Variants in ABCA4 observed in about 807,000 individuals in gnomAD.
ABCA4 encodes ATP binding cassette subfamily A member 4.
A neutral mutation model predicts 263.7 loss-of-function variants in ABCA4; 196 were observed. The ratio of observed to expected loss-of-function variants is 0.74; its 90% CI spans 0.66 to 0.84. The LOEUF (loss-of-function observed/expected upper bound fraction) is 0.84. ABCA4 is among the 40% of genes least tolerant of loss of function. The pLI is 0.00. For missense variants in ABCA4, 2,792 were observed against 2,855.1 expected, an observed-to-expected ratio of 0.98 and a Z score of 0.50; for synonymous variants, 1,133 against 1,094.2, an observed-to-expected ratio of 1.04 and a Z score of -0.70.
intron 43 of ABCA4, 101 bp from the exon 44 acceptor site, chr1:94,005,683 C>T: frequency 1.7e-6 from 2 of 1,159,226 alleles, no homozygotes; most frequent in Non-Finnish European, 2.5e-6. Flanking sequence ...AAGGAAGCTG[C>T]TTCTTCTCTT....
intron 30 of ABCA4, 87 bp from the exon 31 acceptor site, chr1:94,025,135 T>A (rs1469708255): frequency 3.7e-6 from 4 of 1,078,154 alleles, no homozygotes; most frequent in Non-Finnish European, 5.8e-6. Flanking sequence ...CTTCCAAAAA[T>A]TATTTATGGA....
chr1:94,039,153 C>T (rs1660421943), intron 24 of ABCA4, among the ~76,000 whole-genome samples: 1 of 152,138 alleles, frequency 6.6e-6, no homozygotes, highest in South Asian at 2.1e-4. Context: ...CCAGAGATGT[C>T]ATCCTAAAAA....
chr1:94,111,570 G>T lies in ABCA4; in HGVS notation c.170C>A (p.Pro57His). 1 of 1,614,220 alleles carries T rather than the reference G, an allele frequency of 6.2e-7. No homozygotes were observed. The highest frequency in any genetic ancestry group is 1.1e-5 in the South Asian group (1 of 91,088). Reference sequence around the variant, plus strand: ...TCCTGCTGAGGGCATCGCCTTGTTGGGGAAATGGCCTTTAAAACAGAAAAT... The same window carrying T: ...TCCTGCTGAGGGCATCGCCTTGTTGTGGAAATGGCCTTTAAAACAGAAAAT... ...PLYSHHECHF[P>H]NKAMPSAGML... Residue 57 changes from proline to histidine, a missense_variant, in exon 3 of 50, where the codon CCC (proline) becomes CAC (histidine). By Grantham distance (77) the Pro-to-His change is moderately conservative. Coordinates refer to ENST00000370225, the MANE Select transcript of ABCA4 (RefSeq NM_000350.3).
At chr1:94,102,557 A>G (rs1026162913) in intron 5 of ABCA4, among the ~76,000 whole-genome samples, 3 of 151,796 alleles carry the variant, frequency 2.0e-5, no homozygotes, top group African/African-American at 7.3e-5. Context: ...AGCACCCATC[A>G]CAGCCAGAAG....
At chr1:94,086,562 A>G (rs1448346278) in intron 6 of ABCA4, among the ~76,000 whole-genome samples, 2 of 151,882 alleles carry the variant, frequency 1.3e-5, no homozygotes, top group East Asian at 3.9e-4. Context: ...TTTTTTTAAG[A>G]CAACGAAGTA....
At position 94,011,194 on chromosome 1, in the gene ABCA4, G is replaced by C; in HGVS notation, c.5584+68C>G. 5.6e-6 allele frequency: 9 copies of C among 1,611,018 alleles called. No homozygotes were observed. In the South Asian group the frequency reaches 9.9e-5, roughly 18 times the overall value. On this transcript the variant is annotated intron_variant, in intron 39 of 49. Transcript: ENST00000370225. ...GCCCCTGCCACAGTCTGATGCAGGA[G>C]CCCCCCCGGTAACCCTCCCAGCTTT...
chr1:94,074,514 G>C (rs563179748), intron 11 of ABCA4, among the ~76,000 whole-genome samples: 42 of 152,294 alleles, frequency 2.8e-4, no homozygotes, highest in Middle Eastern at 3.4e-3. Context: ...TTGAAAAATG[G>C]ATCTAATTAG....
rs184754951 is a variant in ABCA4 at position 94,014,366 on chromosome 1, G to A, written c.5460+177C>T. ...GGGAGGAGAAGAAGGAAAGAGGAAG[G>A]AAGGATGGGAGGAAGGAAGGAAGGA... On this transcript the variant is annotated intron_variant, in intron 38 of 49. Coordinates refer to ENST00000370225, the MANE Select transcript of ABCA4 (RefSeq NM_000350.3). Among the ~76,000 whole-genome samples, 544 of 136,348 alleles carry A rather than the reference G, an allele frequency of 4.0e-3. 4 individuals carry two copies. Among genetic ancestry groups the A allele is most frequent in the Middle Eastern group, 0.014 (4 of 284 alleles). 89.4% of individuals were successfully genotyped at this position (136,348 alleles called of 152,430 possible).
At chr1:94,055,384 C>T in intron 15 of ABCA4, 69 bp from the exon 16 acceptor site, 1 of 1,519,926 alleles carries the variant, frequency 6.6e-7, no homozygotes, top group Non-Finnish European at 9.1e-7. Flanking sequence ...CACCCAGATG[C>T]CCTCGAGGTA....
At chr1:94,096,577 A>G (rs1393221355) in intron 6 of ABCA4, among the ~76,000 whole-genome samples, 1 of 152,152 alleles carries the variant, frequency 6.6e-6, no homozygotes, top group East Asian at 1.9e-4. Context: ...GGGTTTGTGA[A>G]TGCTAGCATT....
chr1:94,073,856 C>A (rs942618966), intron 11 of ABCA4, among the ~76,000 whole-genome samples: 1 of 152,100 alleles, frequency 6.6e-6, no homozygotes, highest in African/African-American at 2.4e-5. Context: ...ATTGTGAGAA[C>A]CACTGAACTC....
At chr1:94,021,498 AG>A in intron 34 of ABCA4, 89 bp from the exon 35 acceptor site, 1 of 1,572,424 alleles carries the variant, frequency 6.4e-7, no homozygotes, top group Non-Finnish European at 8.7e-7. Context: ...AGAAGCAGGA[AG>A]GGTTTGGTAG....
chr1:94,077,757 T>A lies in ABCA4; in HGVS notation c.1487A>T (p.Asn496Ile), dbSNP rs1439777150. 6.2e-7 allele frequency: 1 copy of A among 1,614,204 alleles called. No individual in the cohort carries two copies. The highest frequency in any genetic ancestry group is 1.3e-5 in the African/African-American group (1 of 75,060). ...GTTAAATATGTCCCTCCAGTCGAAG[T>A]TGGCCATGTCGTCAGCCTGGCTTTC... is the stretch of plus-strand genomic sequence containing the variant. ...PRESQADDMA[N>I]FDWRDIFNIT... is the part of the protein sequence containing the mutation. The change falls in exon 11 of 50, where the codon AAC (asparagine) becomes ATC (isoleucine). Residue 496 changes from asparagine (N) to isoleucine (I), a missense_variant. Asn to Ile is a moderately radical substitution (Grantham distance 149, BLOSUM62 -3). Transcript: ENST00000370225.
Position 94,060,387 on chromosome 1 carries a change from G to A in ABCA4, c.2160+150C>T, listed in dbSNP as rs557910286. On this transcript the variant is annotated intron_variant, in intron 14 of 49. Coordinates refer to ENST00000370225, the MANE Select transcript of ABCA4 (RefSeq NM_000350.3). ...TTCAGGAGATTTCGTCTCTTTGAGT[G>A]TCTCCCACGTTGGCTAAAAGGAAGG... 17 of 744,812 alleles carry A rather than the reference G, an allele frequency of 2.3e-5. No homozygotes were observed. In the East Asian group the frequency reaches 4.3e-4, roughly 19 times the overall value. The allele number at this position is 744,812 out of a possible 1,614,324, so 46.1% of individuals were successfully genotyped here.
chr1:94,072,871 A>G (rs1465940758), intron 11 of ABCA4, among the ~76,000 whole-genome samples: 1 of 152,180 alleles, frequency 6.6e-6, no homozygotes, highest in Admixed American at 6.5e-5. Flanking sequence ...GAGGAAAGAC[A>G]GAATGTATTT....
intron 16 of ABCA4, among the ~76,000 whole-genome samples, chr1:94,054,505 G>A (rs1347945383): frequency 2.0e-5 from 3 of 152,190 alleles, no homozygotes; most frequent in African/African-American, 7.2e-5. Context: ...AAGGAAGCAA[G>A]CCTGCAGATA....
intron 38 of ABCA4, among the ~76,000 whole-genome samples, chr1:94,012,823 G>A (rs1222976759): frequency 6.6e-6 from 1 of 150,544 alleles, no homozygotes; most frequent in African/African-American, 2.5e-5. Context: ...GGGAGCCTCT[G>A]GAGGGCAGGA....
At chr1:94,044,936 C>T (rs1180527377) in intron 19 of ABCA4, among the ~76,000 whole-genome samples, 192 bp from the exon 20 acceptor site, 1 of 152,232 alleles carries the variant, frequency 6.6e-6, no homozygotes, top group Non-Finnish European at 1.5e-5. Flanking sequence ...TGCAGAGGGC[C>T]ACCTCTGCCA....
rs1440451733 is a variant in ABCA4, at chr1:94,008,281, G to A, written c.5852C>T (p.Ser1951Phe). The change falls in exon 42 of 50, where the codon TCC (serine) becomes TTC (phenylalanine). Residue 1951 changes from serine to phenylalanine, a missense_variant. By Grantham distance (155) the Ser-to-Phe change is radical. Transcript: ENST00000370225. ...HELTKIYPGT[S>F]SPAVDRLCVG... ...ACACAGCCTGTCCACTGCTGGGCTG[G>A]AGGTGCCTGGATAAATCTGCAAGAT... 2 of 1,614,058 alleles carry A rather than the reference G, an allele frequency of 1.2e-6. No homozygotes were observed. The highest frequency in any genetic ancestry group is 1.7e-6 in the Non-Finnish European group (2 of 1,180,042).
Sources: gnomAD v4.1 joint callset for allele counts (sites outside exome capture counted in the v4.1 genomes callset) on GRCh38, gnomAD v4.1.1 for gene constraint, MANE v1.5 for transcripts, NCBI Gene and HGNC (gene_info 2026-07-23, HGNC 2026-07-21) for gene names.